Variants in DROSHA observed in about 807,000 individuals in gnomAD.
DROSHA encodes the protein drosha ribonuclease III, also known as ribonuclease 3.
A neutral mutation model predicts 181.9 loss-of-function variants in DROSHA; 56 were observed. That is an observed-to-expected ratio of 0.31 (90% CI 0.25 to 0.38). DROSHA has a LOEUF of 0.38. DROSHA is among the 10% of genes least tolerant of loss of function. DROSHA has a pLI of 1.00. For synonymous variants in DROSHA, 524 were observed against 591.2 expected (o/e 0.89, Z 1.65); for missense variants, 1,218 against 1,743.5 (o/e 0.70, Z 5.37).
At chr5:31,447,566 A>G (rs1343851270) in intron 23 of DROSHA, among the ~76,000 whole-genome samples, 1 of 152,248 alleles carries the variant, frequency 6.6e-6, no homozygotes, top group East Asian at 1.9e-4. Context: ...CAAGAGAGAG[A>G]AAAGACAATT....
At chr5:31,429,386 ATATTCTC>A (rs1743868778) in intron 27 of DROSHA, 82 bp downstream of exon 27, 8 of 1,264,830 alleles carry the variant, frequency 6.3e-6, no homozygotes, top group Admixed American at 2.3e-5. Flanking sequence ...TGTTTCTCCT[ATATTCTC>A]TTCAAATTAC....
At chr5:31,464,162 G>C (rs1748749293) in intron 20 of DROSHA, 74 bp downstream of exon 20, 1 of 1,250,600 alleles carries the variant, frequency 8.0e-7, no homozygotes, top group Non-Finnish European at 1.1e-6. Flanking sequence ...TCTCAATTAA[G>C]AAACCCTCAG....
chr5:31,525,664 T>C (rs1740455589), intron 5 of DROSHA, among the ~76,000 whole-genome samples: 1 of 152,184 alleles, frequency 6.6e-6, no homozygotes, highest in Non-Finnish European at 1.5e-5. Context: ...GTTAACTAAT[T>C]TGATTCTTTA....
At chr5:31,430,312 G>A (rs916742879) in intron 26 of DROSHA, among the ~76,000 whole-genome samples, 9 of 152,196 alleles carry the variant, frequency 5.9e-5, no homozygotes, top group African/African-American at 1.2e-4. Flanking sequence ...TATGTCCTGG[G>A]TACCATGCAA....
intron 13 of DROSHA, among the ~76,000 whole-genome samples, chr5:31,488,336 C>A (rs1752021922): frequency 6.6e-6 from 1 of 150,958 alleles, no homozygotes; most frequent in South Asian, 2.1e-4. Context: ...TCACTTGAAC[C>A]CGGGAGTTGG....
At chr5:31,483,423 G>A in intron 16 of DROSHA, 131 bp downstream of exon 16, 2 of 834,758 alleles carry the variant, frequency 2.4e-6, no homozygotes, top group Non-Finnish European at 3.9e-6. Flanking sequence ...ACATTTCCGT[G>A]CCTAACCTGA....
intron 8 of DROSHA, among the ~76,000 whole-genome samples, chr5:31,511,697 C>CT (rs1325162659): frequency 1.4e-4 from 16 of 113,942 alleles, no homozygotes; most frequent in Admixed American, 9.0e-4. Flanking sequence ...GAGACCTCAT[C>CT]TAAAAAAAAA....
At chr5:31,473,548 C>T (rs1240283185) in intron 16 of DROSHA, among the ~76,000 whole-genome samples, 1 of 152,114 alleles carries the variant, frequency 6.6e-6, no homozygotes. Flanking sequence ...ATGGAAACAG[C>T]CAAAGCCTTG....
intron 16 of DROSHA, among the ~76,000 whole-genome samples, chr5:31,482,182 C>T (rs1314767083): frequency 6.6e-6 from 1 of 152,146 alleles, no homozygotes; most frequent in Non-Finnish European, 1.5e-5. Context: ...AAGAAAAGCT[C>T]CCCAACCAAG....
At chr5:31,451,017 C>G (rs1746939956) in intron 21 of DROSHA, among the ~76,000 whole-genome samples, 1 of 152,112 alleles carries the variant, frequency 6.6e-6, no homozygotes, top group East Asian at 1.9e-4. Flanking sequence ...GCCTGGCCAA[C>G]ATGGCAAAAG....
rs55952226 is a variant in DROSHA, at chr5:31,476,300, G to A, written c.2072-4068C>T. Reference sequence around the variant, plus strand: ...GAATCGCTTGAATCTGGGAGGCAGGGATTGCTGTAAGCCGAGACTGTGCCA... The same window carrying A: ...GAATCGCTTGAATCTGGGAGGCAGGAATTGCTGTAAGCCGAGACTGTGCCA... On this transcript the variant is annotated intron_variant, in intron 16 of 35. Coordinates refer to ENST00000344624, the MANE Select transcript of DROSHA (RefSeq NM_001382508.1). 8.7e-3 allele frequency among the ~76,000 whole-genome samples: 1,325 copies of A among 152,296 alleles called. 24 individuals carry two copies. The highest frequency in any genetic ancestry group is 0.03 in the African/African-American group (1,250 of 41,556).
chr5:31,440,713 C>T (rs1306471769), intron 23 of DROSHA, among the ~76,000 whole-genome samples: 1 of 152,166 alleles, frequency 6.6e-6, no homozygotes, highest in Non-Finnish European at 1.5e-5. Context: ...AATATGATGG[C>T]ACAAGTGGAA....
chr5:31,430,511 G>C (rs143052359), intron 26 of DROSHA, among the ~76,000 whole-genome samples: 1 of 152,294 alleles, frequency 6.6e-6, no homozygotes, highest in Non-Finnish European at 1.5e-5. Flanking sequence ...CAAGGTAAGT[G>C]ATACTATCTC....
intron 30 of DROSHA, among the ~76,000 whole-genome samples, chr5:31,413,210 G>C (rs1329850777): frequency 1.3e-5 from 2 of 152,194 alleles, no homozygotes; most frequent in African/African-American, 4.8e-5. Flanking sequence ...TTTTATTTCA[G>C]ACAAGCCCTG....
At chr5:31,404,922 G>A (rs1347069422) in intron 35 of DROSHA, among the ~76,000 whole-genome samples, 1 of 152,026 alleles carries the variant, frequency 6.6e-6, no homozygotes, top group Non-Finnish European at 1.5e-5. Flanking sequence ...TAATCTGCAG[G>A]GCTGCTCATG....
At chr5:31,482,211 A>G (rs1361027406) in intron 16 of DROSHA, among the ~76,000 whole-genome samples, 1 of 152,240 alleles carries the variant, frequency 6.6e-6, no homozygotes, top group Non-Finnish European at 1.5e-5. Flanking sequence ...CCACAGATTT[A>G]TAGCAGCAGC....
At position 31,449,431 on chromosome 5, in the gene DROSHA, A is replaced by G; in HGVS notation, c.2683-12T>C. On this transcript the variant is annotated splice_polypyrimidine_tract_variant and intron_variant, in intron 21 of 35. Coordinates refer to ENST00000344624, the MANE Select transcript of DROSHA (RefSeq NM_001382508.1). The stretch of plus-strand genomic sequence containing the variant: ...TGAGTCATGGCCAGCTAAAATTTCA[A>G]TGAAATAAGTTCAGTCTTTAAAACA... 1.3e-6 allele frequency: 2 copies of G among 1,555,948 alleles called. No individual in the cohort carries two copies. Among genetic ancestry groups the G allele is most frequent in the Admixed American group, 1.9e-5 (1 of 51,466 alleles).
intron 23 of DROSHA, among the ~76,000 whole-genome samples, chr5:31,445,798 T>G (rs917325277): frequency 1.3e-5 from 2 of 152,190 alleles, no homozygotes; most frequent in Non-Finnish European, 2.9e-5. Context: ...ATAAAAAGCA[T>G]CTATAAAAAC....
Position 31,521,150 on chromosome 5 carries a change from T to C in DROSHA, c.920A>G (p.Tyr307Cys). ...NRRSPSLERS[Y>C]KKEYKRSGRS... ...TCCAGATCTCTTATACTCTTTTTTG[T>C]AGGACCTTTCCAGAGATGGTGATCT... is the stretch of plus-strand genomic sequence containing the variant. Residue 307 changes from tyrosine to cysteine, a missense_variant, in exon 6 of 36, where the codon TAC becomes TGC. Physicochemically the swap from Tyr to Cys is radical, Grantham distance 194. This residue lies in a region of DROSHA where 536 missense variants were observed against 535.4 expected (regional missense o/e 1.00). Transcript: ENST00000344624. 6.2e-7 allele frequency: 1 copy of C among 1,613,722 alleles called. No individual in the cohort carries two copies. The highest frequency in any genetic ancestry group is 8.5e-7 in the Non-Finnish European group (1 of 1,179,662).
Sources: allele counts gnomAD v4.1 joint callset (sites outside exome capture counted in the v4.1 genomes callset), GRCh38; gene constraint gnomAD v4.1.1; regional missense constraint gnomAD v4.1.1; transcripts MANE v1.5; gene names NCBI Gene and HGNC (gene_info 2026-07-23, HGNC 2026-07-21).